The following OLFM3 variants were observed in gnomAD, a reference collection of about 807,000 sequenced individuals.
OLFM3 encodes noelin-3.
OLFM3 carries 20 observed loss-of-function variants against 48.6 expected under a neutral mutation model. The ratio of observed to expected loss-of-function variants is 0.41; its 90% CI spans 0.29 to 0.60. The LOEUF (loss-of-function observed/expected upper bound fraction) is 0.60. OLFM3 is among the 20% of genes least tolerant of loss of function. OLFM3 has a pLI of 0.28. For synonymous variants in OLFM3, 222 were observed against 198.1 expected (o/e 1.12, Z -1.01); for missense variants, 437 against 544.3 (o/e 0.80, Z 1.96).
chr1:101,941,656 T>C (rs968853519), intron 1 of OLFM3, among the ~76,000 whole-genome samples: 1 of 152,172 alleles, frequency 6.6e-6, no homozygotes, highest in Admixed American at 6.5e-5. Flanking sequence ...TAAAGAATTT[T>C]AAAAAGCATA....
At chr1:101,869,116 G>A (rs775624448) in intron 1 of OLFM3, among the ~76,000 whole-genome samples, 4 of 152,210 alleles carry the variant, frequency 2.6e-5, no homozygotes, top group Admixed American at 2.0e-4. Flanking sequence ...AGCACTACCT[G>A]TTGGACCTGT....
chr1:101,879,152 A>G (rs1461288665), intron 1 of OLFM3, among the ~76,000 whole-genome samples: 1 of 151,894 alleles, frequency 6.6e-6, no homozygotes, highest in African/African-American at 2.4e-5. Context: ...TTGTGGCATC[A>G]TCCTTTTGTC....
At position 101,804,209 on chromosome 1, in the gene OLFM3, T is replaced by C. The variant is rs774763734; in HGVS notation, c.*29A>G. ...TAGAGTTTATCACAAATCACACTGT[T>C]TAAATCAATGAAAACATGTCACATT... is the stretch of plus-strand genomic sequence containing the variant. On this transcript the variant is annotated 3_prime_UTR_variant, in exon 6 of 6. Transcript: ENST00000370103. This position sits in a 1 kb window ranked among gnomAD's most constrained non-coding sequence, Gnocchi z 4.5. 1 of 1,515,432 alleles carries C rather than the reference T, an allele frequency of 6.6e-7. No individual in the cohort carries two copies. Among genetic ancestry groups the C allele is most frequent in the Non-Finnish European group, 8.9e-7 (1 of 1,123,842 alleles). The allele number at this position is 1,515,432 out of a possible 1,614,324, so 93.9% of individuals were successfully genotyped here.
intron 1 of OLFM3, among the ~76,000 whole-genome samples, chr1:101,950,927 T>G (rs921832911): frequency 2.6e-5 from 4 of 152,162 alleles, no homozygotes; most frequent in Admixed American, 6.5e-5. Context: ...ACTGCAAACA[T>G]GGGCAAGTAA....
intron 1 of OLFM3, among the ~76,000 whole-genome samples, chr1:101,887,443 T>C (rs1367500809): frequency 1.3e-5 from 2 of 151,942 alleles, no homozygotes; most frequent in African/African-American, 4.8e-5. Flanking sequence ...ATATAACATA[T>C]TTAAAATCAT....
intron 2 of OLFM3, among the ~76,000 whole-genome samples, chr1:101,833,864 GA>G: frequency 6.6e-6 from 1 of 152,238 alleles, no homozygotes; most frequent in African/African-American, 2.4e-5. Flanking sequence ...AAATCTTCAA[GA>G]ATGAAGTATC....
chr1:101,934,506 A>G (rs1482150513), intron 1 of OLFM3, among the ~76,000 whole-genome samples: 1 of 152,170 alleles, frequency 6.6e-6, no homozygotes, highest in African/African-American at 2.4e-5. Context: ...GACTAAGATA[A>G]CTATAGCATA....
At chr1:101,864,316 C>T (rs1026408052) in intron 1 of OLFM3, among the ~76,000 whole-genome samples, 1 of 151,970 alleles carries the variant, frequency 6.6e-6, no homozygotes, top group Non-Finnish European at 1.5e-5. Flanking sequence ...AATTTGCCTA[C>T]AGTTATTTTC....
intron 4 of OLFM3, among the ~76,000 whole-genome samples, chr1:101,816,468 CT>C (rs1325390979): frequency 6.6e-6 from 1 of 151,994 alleles, no homozygotes; most frequent in Non-Finnish European, 1.5e-5. Context: ...CCTATCTTTC[CT>C]TTTATAATTT....
intron 1 of OLFM3, among the ~76,000 whole-genome samples, chr1:101,977,278 T>G (rs1314594909): frequency 2.6e-5 from 4 of 152,206 alleles, no homozygotes; most frequent in African/African-American, 9.6e-5. Flanking sequence ...ATGGTCATTT[T>G]AAATTAATTT....
At chr1:101,980,415 G>A (rs1361980333) in intron 1 of OLFM3, among the ~76,000 whole-genome samples, 1 of 152,122 alleles carries the variant, frequency 6.6e-6, no homozygotes, top group Non-Finnish European at 1.5e-5. Flanking sequence ...GATCATGGGG[G>A]TGGTGTCCTC....
intron 1 of OLFM3, among the ~76,000 whole-genome samples, chr1:101,855,297 C>T (rs1310732490): frequency 6.6e-6 from 1 of 151,912 alleles, no homozygotes; most frequent in Non-Finnish European, 1.5e-5. Context: ...CTATCGTAAC[C>T]AGTTTATAGT....
At chr1:101,967,321 C>T (rs1233074101) in intron 1 of OLFM3, among the ~76,000 whole-genome samples, 1 of 150,702 alleles carries the variant, frequency 6.6e-6, no homozygotes, top group East Asian at 1.9e-4. Flanking sequence ...AAACAAATAC[C>T]ATGACCCCTG....
At chr1:101,812,185 T>TGGG (rs1654094322) in intron 4 of OLFM3, among the ~76,000 whole-genome samples, 1 of 144,658 alleles carries the variant, frequency 6.9e-6, no homozygotes, top group African/African-American at 2.6e-5. Flanking sequence ...GGGCCTTTCA[T>TGGG]GGGGTGGGGG....
At chr1:101,830,285 G>A (rs1165183650) in intron 3 of OLFM3, among the ~76,000 whole-genome samples, 5 of 152,026 alleles carry the variant, frequency 3.3e-5, no homozygotes, top group Admixed American at 6.6e-5. Flanking sequence ...ATAAATTTAT[G>A]AAACAACTCT....
intron 1 of OLFM3, among the ~76,000 whole-genome samples, chr1:101,930,615 T>C (rs1659416892): frequency 6.6e-6 from 1 of 152,282 alleles, no homozygotes; most frequent in East Asian, 1.9e-4. Context: ...GTGTATAGTA[T>C]AGTTGGGTAG....
At chr1:101,843,744 A>C (rs1655846768) in intron 1 of OLFM3, among the ~76,000 whole-genome samples, 1 of 152,214 alleles carries the variant, frequency 6.6e-6, no homozygotes, top group Admixed American at 6.5e-5. Context: ...TTGCCATTTA[A>C]TGATTTAAAC....
intron 1 of OLFM3, among the ~76,000 whole-genome samples, chr1:101,862,590 C>G (rs1656699664): frequency 6.6e-6 from 1 of 152,162 alleles, no homozygotes; most frequent in Admixed American, 6.5e-5. Flanking sequence ...GGAATTCATT[C>G]TTATGACCTT....
At chr1:101,955,044 C>T (rs930725072) in intron 1 of OLFM3, among the ~76,000 whole-genome samples, 14 of 152,054 alleles carry the variant, frequency 9.2e-5, no homozygotes, top group East Asian at 1.9e-4. Flanking sequence ...TTTCAGTAGA[C>T]GAAGTATTAT....
Sources: allele counts gnomAD v4.1 joint callset (sites outside exome capture counted in the v4.1 genomes callset), GRCh38; gene constraint gnomAD v4.1.1; non-coding constraint Gnocchi (gnomAD v3.1); transcripts MANE v1.5; gene names NCBI Gene and HGNC (gene_info 2026-07-23, HGNC 2026-07-21).